PDCD10: variants seen among roughly 807,000 people sequenced by gnomAD.
PDCD10 encodes the protein programmed cell death 10, also known as programmed cell death protein 10.
PDCD10 carries 4 observed loss-of-function variants against 29.2 expected under a neutral mutation model. The observed-to-expected ratio is 0.14, with a 90% CI of 0.07 to 0.31. The LOEUF is 0.31. Ranked by LOEUF, PDCD10 falls within the 10% of genes least tolerant of loss-of-function variation. The pLI, the probability that PDCD10 is intolerant of heterozygous loss-of-function variation, is 1.00. For missense variants in PDCD10, 183 were observed against 257.9 expected (o/e 0.71, Z 1.99); for synonymous variants, 70 against 82.2 (o/e 0.85, Z 0.80).
At position 167,720,171 on chromosome 3, in the gene PDCD10, A is replaced by G. The variant is rs367727154; in HGVS notation, c.-14T>C. The stretch of plus-strand genomic sequence containing the variant: ...TGTCATCCTCATTCAAAAGCCAACT[A>G]CAGTTGAAAAAGCAGTGCTAAAATG... On this transcript the variant is annotated 5_prime_UTR_variant, in exon 3 of 9. Coordinates refer to ENST00000392750, the MANE Select transcript of PDCD10 (RefSeq NM_007217.4). The G allele has an allele frequency of 1.2e-5, 18 of 1,563,304 alleles. No individual in the cohort carries two copies. The African/African-American group carries it at 2.4e-4, about 21-fold the overall frequency.
At chr3:167,727,439 C>A (rs1577377101) in intron 2 of PDCD10, among the ~76,000 whole-genome samples, 1 of 152,126 alleles carries the variant, frequency 6.6e-6, no homozygotes, top group African/African-American at 2.4e-5. Flanking sequence ...TGTTGGAAGA[C>A]AGGAAACAAA....
intron 6 of PDCD10, among the ~76,000 whole-genome samples, chr3:167,689,812 CAA>C (rs1192091666): frequency 1.3e-5 from 2 of 152,072 alleles, no homozygotes; most frequent in Non-Finnish European, 1.5e-5. Flanking sequence ...GGACACGAGG[CAA>C]AAGACTGTTA....
chr3:167,719,616 C>A (rs1723368547), intron 3 of PDCD10, among the ~76,000 whole-genome samples: 1 of 152,010 alleles, frequency 6.6e-6, no homozygotes, highest in African/African-American at 2.4e-5. Flanking sequence ...GATCTTTGTG[C>A]CTGCTATTCT....
At chr3:167,698,316 A>T (rs1487127499) in intron 4 of PDCD10, among the ~76,000 whole-genome samples, 1 of 152,214 alleles carries the variant, frequency 6.6e-6, no homozygotes, top group Non-Finnish European at 1.5e-5. Context: ...TGTTTGACTG[A>T]ATCCTGTTTC....
chr3:167,725,769 A>T (rs1166068341), intron 2 of PDCD10, among the ~76,000 whole-genome samples: 5 of 15,942 alleles, frequency 3.1e-4, no homozygotes, highest in Middle Eastern at 0.026. Context: ...TCGTTTATAT[A>T]TATATATATA....
Position 167,697,977 on chromosome 3 carries a change from C to A in PDCD10, c.151-851G>T, listed in dbSNP as rs575157115. ...TGCTGATGATTTTCTTTCCTTTTTG[C>A]CCTAATATTAAACAGCAAAATAGAA... On this transcript the variant is annotated intron_variant, in intron 4 of 8. Transcript: ENST00000392750. 337 of 456,380 alleles carry A rather than the reference C, an allele frequency of 7.4e-4. 1 individual carries two copies. The highest frequency in any genetic ancestry group is 1.3e-3 in the Admixed American group (54 of 42,552). The allele number at this position is 456,380 out of a possible 1,614,324, so 28.3% of individuals were successfully genotyped here.
intron 3 of PDCD10, among the ~76,000 whole-genome samples, chr3:167,709,107 A>C (rs1407938597): frequency 6.6e-6 from 1 of 152,082 alleles, no homozygotes; most frequent in Non-Finnish European, 1.5e-5. Context: ...AATGTTTACT[A>C]TGCTCAAAGT....
rs200180968 is a variant in PDCD10 at position 167,696,956 on chromosome 3, G to A, written c.268+53C>T. 9.4e-4 allele frequency: 843 copies of A among 895,948 alleles called. 2 individuals carry two copies. The Middle Eastern group carries it at 0.019, about 20-fold the overall frequency. 55.5% of individuals were successfully genotyped at this position (895,948 alleles called of 1,614,324 possible). The stretch of plus-strand genomic sequence containing the variant: ...TTTGGTCAAATAATAATGATTTAGA[G>A]GAAGTGCTATTTAACAATTGTATAA... On this transcript the variant is annotated intron_variant, in intron 5 of 8. Coordinates refer to ENST00000392750, the MANE Select transcript of PDCD10 (RefSeq NM_007217.4).
intron 6 of PDCD10, among the ~76,000 whole-genome samples, chr3:167,692,171 C>T (rs754748203): frequency 6.6e-6 from 1 of 152,136 alleles, no homozygotes; most frequent in Non-Finnish European, 1.5e-5. Flanking sequence ...ATAGTCTAAA[C>T]AACTAAGTTT....
chr3:167,688,664 C>G (rs1438611662), intron 6 of PDCD10, among the ~76,000 whole-genome samples: 1 of 152,100 alleles, frequency 6.6e-6, no homozygotes, highest in Non-Finnish European at 1.5e-5. Flanking sequence ...GACAAACCTT[C>G]TTTTTCACAG....
chr3:167,695,498 G>A (rs957065500), intron 6 of PDCD10, 98 bp downstream of exon 6: 10 of 1,035,338 alleles, frequency 9.7e-6, no homozygotes, highest in Admixed American at 3.6e-5. Context: ...TTTCAAATAA[G>A]CATTTCAAGT....
At chr3:167,715,795 C>T (rs1041811918) in intron 3 of PDCD10, among the ~76,000 whole-genome samples, 3 of 151,776 alleles carry the variant, frequency 2.0e-5, no homozygotes, top group Admixed American at 6.6e-5. Flanking sequence ...AAAGGAAAAC[C>T]CTGGTATAGT....
rs190227313 is a variant in PDCD10, at chr3:167,711,867, T to C, written c.97-6972A>G. 2.3e-3 allele frequency among the ~76,000 whole-genome samples: 346 copies of C among 152,172 alleles called. 2 individuals carry two copies. The highest frequency in any genetic ancestry group is 7.8e-3 in the African/African-American group (323 of 41,530). On this transcript the variant is annotated intron_variant, in intron 3 of 8. Transcript: ENST00000392750. ...GGCCATGAGAGAGTAGTATGATATA[T>C]TTAAAATGCTGAAGGAAGAAATTTT...
At chr3:167,717,052 G>A (rs1266623457) in intron 3 of PDCD10, among the ~76,000 whole-genome samples, 1 of 151,854 alleles carries the variant, frequency 6.6e-6, no homozygotes, top group Non-Finnish European at 1.5e-5. Context: ...ATGCAATCAG[G>A]GGACCTATTT....
rs1232104703 is a variant in PDCD10, at chr3:167,683,436, A to C, written c.*872T>G. 1.3e-5 allele frequency: 2 copies of C among 152,058 alleles called. No individual in the cohort carries two copies. The highest frequency in any genetic ancestry group is 2.9e-5 in the Non-Finnish European group (2 of 67,940). 9.4% of individuals were successfully genotyped at this position (152,058 alleles called of 1,614,324 possible). A position where few individuals can be genotyped will look rare whatever the true frequency, so the allele number is the denominator to read the frequency against. ...AAGAGTGTATATAATATTAACACTC[A>C]TGACAATTTCAATCCAACCGTTGAT... is the stretch of plus-strand genomic sequence containing the variant. On this transcript the variant is annotated 3_prime_UTR_variant, in exon 9 of 9. Transcript: ENST00000392750.
intron 2 of PDCD10, among the ~76,000 whole-genome samples, chr3:167,725,763 TTA>T (rs67647566): frequency 0.02 from 1,504 of 76,754 alleles, 93 homozygotes; most frequent in Non-Finnish European, 0.023. Flanking sequence ...ATTGTATCGT[TTA>T]TATATATATA....
intron 3 of PDCD10, 52 bp downstream of exon 3, chr3:167,720,010 C>A: frequency 9.4e-7 from 1 of 1,066,536 alleles, no homozygotes; most frequent in Non-Finnish European, 1.5e-6. Flanking sequence ...ATAAATAAAG[C>A]AGGAATTAAA....
At chr3:167,703,955 T>C (rs1721704098) in intron 4 of PDCD10, among the ~76,000 whole-genome samples, 1 of 152,228 alleles carries the variant, frequency 6.6e-6, no homozygotes, top group South Asian at 2.1e-4. Flanking sequence ...AATCTGTGTG[T>C]ATTTTAACTT....
At chr3:167,714,020 G>A (rs1722770978) in intron 3 of PDCD10, among the ~76,000 whole-genome samples, 1 of 151,948 alleles carries the variant, frequency 6.6e-6, no homozygotes, top group Non-Finnish European at 1.5e-5. Context: ...GAAAAATAGA[G>A]GAGGCGGGAA....
Sources: gnomAD v4.1 joint callset for allele counts (sites outside exome capture counted in the v4.1 genomes callset) on GRCh38, gnomAD v4.1.1 for gene constraint, MANE v1.5 for transcripts, NCBI Gene and HGNC (gene_info 2026-07-23, HGNC 2026-07-21) for gene names.